CNTN4: variants seen among roughly 807,000 people sequenced by gnomAD.
CNTN4 encodes the protein contactin-4.
CNTN4 carries 77 observed loss-of-function variants against 122.5 expected under a neutral mutation model. The observed-to-expected ratio is 0.63, with a 90% CI of 0.52 to 0.76. The LOEUF (loss-of-function observed/expected upper bound fraction) is 0.76, where lower values mean the gene tolerates loss of function less well. CNTN4 is among the 30% of genes least tolerant of loss of function. CNTN4 has a pLI of 0.00. For synonymous variants in CNTN4, 512 were observed against 447.0 expected (o/e 1.15, Z -1.83); for missense variants, 1,256 against 1,259.1 (o/e 1.00, Z 0.04).
chr3:2,569,329 A>C (rs1035335001), intron 3 of CNTN4, among the ~76,000 whole-genome samples: 1 of 152,200 alleles, frequency 6.6e-6, no homozygotes, highest in Non-Finnish European at 1.5e-5. Context: ...CCCATTATTA[A>C]GTAGCTTGTG....
chr3:2,479,269 G>A (rs1405344893), intron 3 of CNTN4, among the ~76,000 whole-genome samples: 1 of 152,082 alleles, frequency 6.6e-6, no homozygotes, highest in African/African-American at 2.4e-5. Context: ...CAAGTTACTT[G>A]TAAACCTTTT....
intron 6 of CNTN4, among the ~76,000 whole-genome samples, chr3:2,753,949 T>C (rs1465053309): frequency 1.3e-5 from 2 of 152,176 alleles, no homozygotes; most frequent in African/African-American, 4.8e-5. Flanking sequence ...TTAATAACAA[T>C]ATTTCTGCTC....
chr3:2,778,692 T>G (rs2091445305), intron 6 of CNTN4, among the ~76,000 whole-genome samples: 1 of 152,228 alleles, frequency 6.6e-6, no homozygotes, highest in Admixed American at 6.5e-5. Context: ...CCATCCAACT[T>G]ATTATAATGC....
At chr3:2,576,349 A>G (rs1322144644) in intron 4 of CNTN4, among the ~76,000 whole-genome samples, 4 of 152,170 alleles carry the variant, frequency 2.6e-5, no homozygotes, top group Non-Finnish European at 4.4e-5. Flanking sequence ...AAGCTGTGCT[A>G]TAGACCCCGG....
At chr3:2,416,712 G>A (rs2047427180) in intron 3 of CNTN4, among the ~76,000 whole-genome samples, 1 of 151,718 alleles carries the variant, frequency 6.6e-6, no homozygotes, top group East Asian at 2.0e-4. Context: ...GGAGTGCAGT[G>A]GTGTGATCTC....
At chr3:2,255,894 G>A (rs149495483) in intron 2 of CNTN4, among the ~76,000 whole-genome samples, 2,645 of 152,114 alleles carry the variant, frequency 0.017, 36 homozygotes, top group Non-Finnish European at 0.029. Context: ...AGAAGCAAAA[G>A]CAAACAAATT....
chr3:2,803,832 A>T (rs1162517113), intron 6 of CNTN4, among the ~76,000 whole-genome samples: 2 of 152,088 alleles, frequency 1.3e-5, no homozygotes, highest in Non-Finnish European at 2.9e-5. Context: ...AAGTACTGGG[A>T]TTACAGGTGA....
chr3:2,368,370 T>C (rs1307112337), intron 3 of CNTN4, among the ~76,000 whole-genome samples: 1 of 152,116 alleles, frequency 6.6e-6, no homozygotes, highest in Admixed American at 6.5e-5. Flanking sequence ...AGGCTTCTGT[T>C]TGATCTGTGT....
chr3:3,027,309 C>G (rs1292153919), intron 15 of CNTN4, among the ~76,000 whole-genome samples: 1 of 152,160 alleles, frequency 6.6e-6, no homozygotes, highest in Non-Finnish European at 1.5e-5. Flanking sequence ...TTAGATGGCA[C>G]AGGAAAGAAG....
At chr3:2,437,152 G>A (rs1029776603) in intron 3 of CNTN4, among the ~76,000 whole-genome samples, 1 of 151,954 alleles carries the variant, frequency 6.6e-6, no homozygotes, top group Admixed American at 6.6e-5. Flanking sequence ...CCTGTTCATT[G>A]CCAAAGTGCT....
chr3:2,798,798 A>C (rs1267109805), intron 6 of CNTN4, among the ~76,000 whole-genome samples: 2 of 152,152 alleles, frequency 1.3e-5, no homozygotes, highest in Non-Finnish European at 2.9e-5. Context: ...GGTGTTAGCC[A>C]CTGCACCCAG....
chr3:2,810,538 C>T (rs1198708780), intron 6 of CNTN4, among the ~76,000 whole-genome samples: 11 of 152,164 alleles, frequency 7.2e-5, no homozygotes, highest in Non-Finnish European at 1.2e-4. Flanking sequence ...CTTTGGCAGT[C>T]TCCACACACC....
chr3:2,568,317 G>GA (rs770465722), intron 3 of CNTN4, among the ~76,000 whole-genome samples: 23,598 of 71,026 alleles, frequency 0.33, 4,011 homozygotes, highest in East Asian at 0.67. Context: ...GCAAGAATGT[G>GA]AAAAAAAAAA....
intron 14 of CNTN4, among the ~76,000 whole-genome samples, chr3:3,019,874 A>T (rs1698137996): frequency 6.6e-6 from 1 of 150,576 alleles, no homozygotes; most frequent in African/African-American, 2.4e-5. Flanking sequence ...AAGCAAATAC[A>T]GTAAAATATT....
chr3:2,606,064 A>G (rs1486181392), intron 4 of CNTN4, among the ~76,000 whole-genome samples: 2 of 152,104 alleles, frequency 1.3e-5, no homozygotes, highest in African/African-American at 4.8e-5. Flanking sequence ...CGAGGCAGAC[A>G]CACATGTAGT....
intron 3 of CNTN4, among the ~76,000 whole-genome samples, chr3:2,437,166 A>G (rs1459597630): frequency 6.6e-6 from 1 of 152,118 alleles, no homozygotes; most frequent in Non-Finnish European, 1.5e-5. Flanking sequence ...AAGTGCTCAG[A>G]CACATTTAAG....
At chr3:2,755,133 A>G (rs758235324) in intron 6 of CNTN4, among the ~76,000 whole-genome samples, 1 of 152,192 alleles carries the variant, frequency 6.6e-6, no homozygotes, top group Non-Finnish European at 1.5e-5. Flanking sequence ...TCAAATGTTC[A>G]TTGCTTTTAA....
chr3:2,402,397 T>C (rs2046889202), intron 3 of CNTN4, among the ~76,000 whole-genome samples: 2 of 152,136 alleles, frequency 1.3e-5, no homozygotes, highest in African/African-American at 4.8e-5. Flanking sequence ...TCTGATTTTT[T>C]ATTTTAGATT....
chr3:2,897,266 A>G (rs113672671), intron 10 of CNTN4, among the ~76,000 whole-genome samples: 155 of 152,322 alleles, frequency 1.0e-3, no homozygotes, highest in African/African-American at 3.6e-3. Flanking sequence ...AAATCCCAGC[A>G]CAAGCATTTA....
Sources: allele counts gnomAD v4.1 joint callset (sites outside exome capture counted in the v4.1 genomes callset), GRCh38; gene constraint gnomAD v4.1.1; transcripts MANE v1.5; gene names NCBI Gene and HGNC (gene_info 2026-07-23, HGNC 2026-07-21).